Variants in MMP16 observed in about 807,000 individuals in gnomAD.
MMP16 encodes matrix metalloproteinase-16.
MMP16 carries 12 observed loss-of-function variants against 67.8 expected under a neutral mutation model. The ratio of observed to expected loss-of-function variants is 0.18; its 90% confidence interval spans 0.11 to 0.29. MMP16 has a LOEUF of 0.29. Ranked by LOEUF, MMP16 falls within the 10% of genes least tolerant of loss-of-function variation. The pLI is 1.00. For missense variants in MMP16, 475 were observed against 765.7 expected (o/e 0.62, Z 4.48); for synonymous variants, 249 against 255.9 (o/e 0.97, Z 0.26).
In MMP16 at chr8:88,059,551, T is replaced by C. The variant is rs187932088; in HGVS notation, c.1223-3273A>G. ...TTATTCGTGGCTGACATCAGAAACA[T>C]CCTTGTTCCTCATTTTCCATATTTA... is the stretch of plus-strand genomic sequence containing the variant. On this transcript the variant is annotated intron_variant, in intron 7 of 9. Transcript: ENST00000286614. Among the ~76,000 whole-genome samples, 72 of 152,238 alleles carry C rather than the reference T, an allele frequency of 4.7e-4. 1 individual carries two copies. The Middle Eastern group carries it at 0.014, about 29-fold the overall frequency.
intron 6 of MMP16, among the ~76,000 whole-genome samples, chr8:88,090,829 T>G (rs191902588): frequency 1.3e-5 from 2 of 151,940 alleles, no homozygotes; most frequent in Admixed American, 1.3e-4. Context: ...TCTGGATATG[T>G]CTCATGTGAT....
At chr8:88,155,500 C>G (rs1233593237) in intron 4 of MMP16, among the ~76,000 whole-genome samples, 2 of 151,996 alleles carry the variant, frequency 1.3e-5, no homozygotes, top group Non-Finnish European at 2.9e-5. Flanking sequence ...TTGCACACTA[C>G]TGTCTCATTT....
At chr8:88,084,591 C>A (rs1046765304) in intron 6 of MMP16, among the ~76,000 whole-genome samples, 1 of 151,978 alleles carries the variant, frequency 6.6e-6, no homozygotes, top group African/African-American at 2.4e-5. Context: ...ATGATACCTA[C>A]AACTTTGTTT....
intron 7 of MMP16, among the ~76,000 whole-genome samples, chr8:88,073,696 C>T (rs1375649432): frequency 6.6e-6 from 1 of 152,138 alleles, no homozygotes; most frequent in Admixed American, 6.6e-5. Flanking sequence ...ATTACCCTCA[C>T]CAATTGCTAT....
chr8:88,159,004 T>C (rs1808565108), intron 4 of MMP16, among the ~76,000 whole-genome samples: 1 of 152,214 alleles, frequency 6.6e-6, no homozygotes, highest in Admixed American at 6.5e-5. Flanking sequence ...CTGAGGGCTC[T>C]GTTCTGTTCC....
chr8:88,118,634 A>G, intron 5 of MMP16, 66 bp downstream of exon 5: 4 of 1,434,408 alleles, frequency 2.8e-6, no homozygotes, highest in Non-Finnish European at 3.9e-6. Context: ...ATCTCAAAGA[A>G]GAAAACACAG....
At chr8:88,267,636 A>G (rs1810495129) in intron 1 of MMP16, among the ~76,000 whole-genome samples, 1 of 152,224 alleles carries the variant, frequency 6.6e-6, no homozygotes, top group African/African-American at 2.4e-5. Flanking sequence ...TATTCTTTGT[A>G]AAAATATTAA....
chr8:88,128,111 C>T (rs373512121), intron 4 of MMP16, among the ~76,000 whole-genome samples: 5 of 151,926 alleles, frequency 3.3e-5, no homozygotes, highest in Admixed American at 6.6e-5. Flanking sequence ...CTGCATGCTG[C>T]GGAGAACGGC....
rs777849325 is a variant in MMP16, at chr8:88,041,499, T to A, written c.1786A>T (p.Ile596Leu). 4 of 1,605,594 alleles carry A rather than the reference T, an allele frequency of 2.5e-6. No individual in the cohort carries two copies. In the South Asian group the frequency reaches 4.5e-5, roughly 18 times the overall value. ...QFKRKGTPRH[I>L]LYCKRSMQEW... ...TGCATAGAGCGTTTACAGTACAGTA[T>A]GTGGCGGGGTGTTCCTTTCCTCTTG... The change falls in exon 10 of 10, where the codon ATA (isoleucine) becomes TTA (leucine). Residue 596 changes from isoleucine to leucine, a missense_variant. Ile to Leu is a conservative substitution (Grantham distance 5, BLOSUM62 2). Coordinates refer to ENST00000286614, the MANE Select transcript of MMP16 (RefSeq NM_005941.5). This position sits in a 1 kb window ranked among gnomAD's most constrained non-coding sequence, Gnocchi z 6.0.
Position 88,074,587 on chromosome 8 carries a change from T to C in MMP16, c.1222+18A>G. On this transcript the variant is annotated intron_variant, in intron 7 of 9. Coordinates refer to ENST00000286614, the MANE Select transcript of MMP16 (RefSeq NM_005941.5). Reference sequence around the variant, plus strand: ...ATGATTAAAATACAACATAGCCAGATATGGAAAACATCCTTACCTTTAAAG... The same window carrying C: ...ATGATTAAAATACAACATAGCCAGACATGGAAAACATCCTTACCTTTAAAG... 1 of 1,611,762 alleles carries C rather than the reference T, an allele frequency of 6.2e-7. No homozygotes were observed. The highest frequency in any genetic ancestry group is 8.5e-7 in the Non-Finnish European group (1 of 1,178,700).
chr8:88,309,246 T>C (rs916807081), intron 1 of MMP16, among the ~76,000 whole-genome samples: 3 of 152,078 alleles, frequency 2.0e-5, no homozygotes, highest in African/African-American at 7.2e-5. Context: ...TGTCCAGCAA[T>C]TGGCAATGGT....
chr8:88,269,151 A>C (rs1027611945), intron 1 of MMP16, among the ~76,000 whole-genome samples: 9 of 152,202 alleles, frequency 5.9e-5, no homozygotes, highest in Non-Finnish European at 5.9e-5. Flanking sequence ...GGATGTGCCA[A>C]GGTGTTTCTA....
At chr8:88,271,869 T>A (rs368963817) in intron 1 of MMP16, among the ~76,000 whole-genome samples, 19 of 152,196 alleles carry the variant, frequency 1.2e-4, no homozygotes, top group African/African-American at 4.6e-4. Flanking sequence ...TTTACGCATG[T>A]AAAATTTGTA....
rs530595464 is a variant in MMP16, at chr8:88,297,665, C to T, written c.132+29410G>A. On this transcript the variant is annotated intron_variant, in intron 1 of 9. Coordinates refer to ENST00000286614, the MANE Select transcript of MMP16 (RefSeq NM_005941.5). The stretch of plus-strand genomic sequence containing the variant: ...CTCTAAGTACTGTGCAGTAGTATCA[C>T]AAGTGTGCTCTAGAGGCAGACTGTC... Among the ~76,000 whole-genome samples, 147 of 152,324 alleles carry T rather than the reference C, an allele frequency of 9.7e-4. 1 individual carries two copies. Among genetic ancestry groups the T allele is most frequent in the Non-Finnish European group, 1.7e-3 (116 of 68,026 alleles).
At chr8:88,311,409 T>C (rs1050026839) in intron 1 of MMP16, among the ~76,000 whole-genome samples, 2 of 152,118 alleles carry the variant, frequency 1.3e-5, no homozygotes, top group African/African-American at 4.8e-5. Flanking sequence ...CATTTGACAG[T>C]TGAGTTTACC....
At chr8:88,073,658 A>G (rs1446116303) in intron 7 of MMP16, among the ~76,000 whole-genome samples, 1 of 152,158 alleles carries the variant, frequency 6.6e-6, no homozygotes, top group Non-Finnish European at 1.5e-5. Flanking sequence ...TTTAAATATT[A>G]CAAGTGTTTC....
chr8:88,172,087 G>A (rs1371581442), intron 3 of MMP16, among the ~76,000 whole-genome samples: 1 of 152,016 alleles, frequency 6.6e-6, no homozygotes, highest in Admixed American at 6.6e-5. Context: ...CAAAGTGCTG[G>A]GATTACAGGC....
intron 6 of MMP16, among the ~76,000 whole-genome samples, chr8:88,079,375 T>A (rs1318437609): frequency 2.0e-5 from 3 of 152,170 alleles, no homozygotes; most frequent in African/African-American, 7.2e-5. Flanking sequence ...ATTGTTAATC[T>A]CGTACTGTGC....
intron 1 of MMP16, among the ~76,000 whole-genome samples, chr8:88,268,324 A>C (rs1490087758): frequency 6.6e-6 from 1 of 152,200 alleles, no homozygotes; most frequent in African/African-American, 2.4e-5. Context: ...CCTGGGCAAC[A>C]AGAATGGAAC....
Sources: allele counts gnomAD v4.1 joint callset (sites outside exome capture counted in the v4.1 genomes callset), GRCh38; gene constraint gnomAD v4.1.1; non-coding constraint Gnocchi (gnomAD v3.1); transcripts MANE v1.5; gene names NCBI Gene and HGNC (gene_info 2026-07-23, HGNC 2026-07-21).